The following ARHGDIA variants were observed in gnomAD, a reference collection of about 807,000 sequenced individuals.
The protein encoded by ARHGDIA is rho GDP-dissociation inhibitor 1.
ARHGDIA carries 9 observed loss-of-function variants against 25.0 expected under a neutral mutation model. That is an observed-to-expected ratio of 0.36 (90% CI 0.22 to 0.63). The LOEUF (loss-of-function observed/expected upper bound fraction) is 0.63, where lower values mean the gene tolerates loss of function less well. Ranked by LOEUF, ARHGDIA falls within the 20% of genes least tolerant of loss-of-function variation. The pLI, the probability that ARHGDIA is intolerant of heterozygous loss-of-function variation, is 0.69. For synonymous variants in ARHGDIA, 166 were observed against 111.5 expected (o/e 1.49, Z -3.08); for missense variants, 239 against 264.3 (o/e 0.90, Z 0.66).
rs1435889774 is a variant in ARHGDIA at position 81,868,779 on chromosome 17, G to A, written c.*97C>T. 3 of 1,534,220 alleles carry A rather than the reference G, an allele frequency of 2.0e-6. No homozygotes were observed. Among genetic ancestry groups the A allele is most frequent in the East Asian group, 4.9e-5 (2 of 40,892 alleles). On this transcript the variant is annotated 3_prime_UTR_variant, in exon 6 of 6. Coordinates refer to ENST00000269321, the MANE Select transcript of ARHGDIA (RefSeq NM_004309.6). The stretch of plus-strand genomic sequence containing the variant: ...AGGGTGGGAGGGGCACGGAGGGCCT[G>A]TCAGCACTTTGGTATGGGGAGGGGA...
chr17:81,870,181 T>C (rs986640134), intron 1 of ARHGDIA: 5 of 526,486 alleles, frequency 9.5e-6, no homozygotes, highest in Non-Finnish European at 1.4e-5. Context: ...CAGCCGATCA[T>C]GGGGAGAGAG....
chr17:81,871,109 T>A (rs1323081168), intron 1 of ARHGDIA, 189 bp downstream of exon 1: 1 of 102,572 alleles, frequency 9.7e-6, no homozygotes, highest in African/African-American at 3.7e-5. Flanking sequence ...GGCCCCGCCC[T>A]AGCCCGCACC....
Position 81,869,514 on chromosome 17 carries a change from C to T in ARHGDIA, c.274+28G>A, listed in dbSNP as rs373807389. On this transcript the variant is annotated intron_variant, in intron 3 of 5. Transcript: ENST00000269321. The stretch of plus-strand genomic sequence containing the variant: ...CCCGAGATCCCCACCAGGGGCCGCC[C>T]GGACCCCCGCGGCCGCAGGGCACTC... 37 of 1,603,962 alleles carry T rather than the reference C, an allele frequency of 2.3e-5. No individual in the cohort carries two copies. In the African/African-American group the frequency reaches 4.4e-4, roughly 19 times the overall value.
At position 81,869,179 on chromosome 17, in the gene ARHGDIA, C is replaced by T; in HGVS notation, c.409G>A (p.Val137Ile). Residue 137 changes from valine to isoleucine, a missense_variant, in exon 5 of 6, where the codon GTC (valine) becomes ATC (isoleucine). Physicochemically the swap from Val to Ile is conservative, Grantham distance 29. Transcript: ENST00000269321. Reference sequence around the variant, plus strand: ...TGCCCGGGGCCCCACTCACTCTTGACGCCTTTCCTGTACGTATGCTGGATG... The same window carrying T: ...TGCCCGGGGCCCCACTCACTCTTGATGCCTTTCCTGTACGTATGCTGGATG... ...KYIQHTYRKG[V>I]KIDKTDYMVG... is the part of the protein sequence containing the mutation. The T allele has an allele frequency of 1.9e-6, 3 of 1,613,964 alleles. No homozygotes were observed. The highest frequency in any genetic ancestry group is 2.5e-6 in the Non-Finnish European group (3 of 1,179,958).
chr17:81,871,167 G>A (rs1257126080), intron 1 of ARHGDIA, 131 bp downstream of exon 1: 4 of 142,148 alleles, frequency 2.8e-5, no homozygotes, highest in East Asian at 2.1e-4. Flanking sequence ...ACCCTGCCGC[G>A]GGCTCAGGGC....
rs1375843151 is a variant in ARHGDIA, at chr17:81,868,768, A to C, written c.*108T>G. The C allele has an allele frequency of 6.6e-7, 1 of 1,513,676 alleles. No individual in the cohort carries two copies. The highest frequency in any genetic ancestry group is 2.6e-5 in the East Asian group (1 of 39,032). 93.8% of individuals were successfully genotyped at this position (1,513,676 alleles called of 1,614,324 possible). ...GGAGGCGGACCAGGGTGGGAGGGGCACGGAGGGCCTGTCAGCACTTTGGTA... is the reference window on the plus strand; with the variant it reads ...GGAGGCGGACCAGGGTGGGAGGGGCCCGGAGGGCCTGTCAGCACTTTGGTA... On this transcript the variant is annotated 3_prime_UTR_variant, in exon 6 of 6. Transcript: ENST00000269321.
At chr17:81,871,099 G>T (rs1439421553) in intron 1 of ARHGDIA, 199 bp downstream of exon 1, 2 of 125,338 alleles carry the variant, frequency 1.6e-5, no homozygotes, top group Non-Finnish European at 3.4e-5. Context: ...GTCCCGCCCC[G>T]GCCCCGCCCT....
Position 81,868,400 on chromosome 17 carries a change from A to C in ARHGDIA, c.*476T>G. ...ATGGTTAGACGGGACCGACAGCGAC[A>C]AGGGGGCTGGCCAGGGAGCAGCGGG... is the stretch of plus-strand genomic sequence containing the variant. On this transcript the variant is annotated 3_prime_UTR_variant, in exon 6 of 6. Transcript: ENST00000269321. 1 of 1,446,340 alleles carries C rather than the reference A, an allele frequency of 6.9e-7. No homozygotes were observed. Among genetic ancestry groups the C allele is most frequent in the Non-Finnish European group, 9.1e-7 (1 of 1,103,852 alleles). The allele number at this position is 1,446,340 out of a possible 1,614,324, so 89.6% of individuals were successfully genotyped here.
In ARHGDIA at chr17:81,868,640, C is replaced by A; in HGVS notation, c.*236G>T. On this transcript the variant is annotated 3_prime_UTR_variant, in exon 6 of 6. Coordinates refer to ENST00000269321, the MANE Select transcript of ARHGDIA (RefSeq NM_004309.6). The stretch of plus-strand genomic sequence containing the variant: ...TGGCTGCGGCCTCTCTCCCCCACAG[C>A]ACAGGCAGAAGCAGCAACGAGACAG... 6.5e-7 allele frequency: 1 copy of A among 1,535,352 alleles called. No homozygotes were observed.
rs528768290 is a variant in ARHGDIA, at chr17:81,869,204, G to A, written c.384C>T (p.Tyr128=). 50 of 1,614,044 alleles carry A rather than the reference G, an allele frequency of 3.1e-5. 1 individual carries two copies. The South Asian group carries it at 5.3e-4, about 17-fold the overall frequency. Residue 128 remains tyrosine, a synonymous_variant, in exon 5 of 6, where the codon TAC becomes TAT. Transcript: ENST00000269321. The part of the protein sequence containing the change: ...VNREIVSGMK[Y]IQHTYRKGVK... Reference sequence around the variant, plus strand: ...CGCCTTTCCTGTACGTATGCTGGATGTACTTCATGCCGGACACTATCTCTC... The same window carrying A: ...CGCCTTTCCTGTACGTATGCTGGATATACTTCATGCCGGACACTATCTCTC...
Position 81,868,900 on chromosome 17 carries a change from G to A in ARHGDIA, c.591C>T (p.Thr197=), listed in dbSNP as rs2039163491. 1 of 1,613,790 alleles carries A rather than the reference G, an allele frequency of 6.2e-7. No individual in the cohort carries two copies. ...CTCAGTCCTTCCAGTCCTTCTTGAT[G>A]GTGAGATTCCACTCCCAGGACAGGT... ...TDHLSWEWNL[T]IKKDWKD Residue 197 remains threonine, a synonymous_variant, in exon 6 of 6, where the codon ACC becomes ACT. Transcript: ENST00000269321.
chr17:81,868,916 C>A lies in ARHGDIA; in HGVS notation c.575G>T (p.Trp192Leu). Residue 192 changes from tryptophan (W) to leucine (L), a missense_variant, in exon 6 of 6, where the codon TGG becomes TTG. By Grantham distance (61) the Trp-to-Leu change is moderately conservative. This residue lies in a region of ARHGDIA where 29 missense variants were observed against 22.0 expected (regional missense o/e 1.32). Coordinates refer to ENST00000269321, the MANE Select transcript of ARHGDIA (RefSeq NM_004309.6). ...TDDDKTDHLS[W>L]EWNLTIKKDW... is the part of the protein sequence containing the mutation. ...CTTCTTGATGGTGAGATTCCACTCC[C>A]AGGACAGGTGGTCGGTCTTGTCGTC... 1 of 1,613,730 alleles carries A rather than the reference C, an allele frequency of 6.2e-7. No individual in the cohort carries two copies. Among genetic ancestry groups the A allele is most frequent in the East Asian group, 2.2e-5 (1 of 44,876 alleles).
chr17:81,869,308 G>A (rs1156799047), intron 4 of ARHGDIA, 22 bp downstream of exon 4: 3 of 1,613,878 alleles, frequency 1.9e-6, no homozygotes, highest in East Asian at 2.2e-5. Flanking sequence ...CCATTCCCTG[G>A]CCACAGCAGC....
In ARHGDIA at chr17:81,869,332, G is replaced by A. The variant is rs2039190086; in HGVS notation, c.349C>T (p.Arg117Trp). 1.2e-6 allele frequency: 2 copies of A among 1,614,078 alleles called. No homozygotes were observed. Among genetic ancestry groups the A allele is most frequent in the Non-Finnish European group, 1.7e-6 (2 of 1,179,982 alleles). The change falls in exon 4 of 6, where the codon CGG (arginine) becomes TGG (tryptophan). Residue 117 changes from arginine (R) to tryptophan (W), a missense_variant and splice_region_variant. By Grantham distance (101) the Arg-to-Trp change is moderately radical (BLOSUM62 -3). Transcript: ENST00000269321. ...GVEYRIKISF[R>W]VNREIVSGMK... ...GGCCACAGCAGCCTGTAGCTTACCC[G>A]GAAAGAGATTTTTATCCGGTACTCC...
chr17:81,871,211 GCGCCCCCCGCCCCCGCCGGCGCCGC>G (rs2039287573), intron 1 of ARHGDIA, 62 bp downstream of exon 1: 2 of 146,430 alleles, frequency 1.4e-5, no homozygotes, highest in Non-Finnish European at 3.0e-5. Flanking sequence ...CCCCACCTCA[GCGCCCCCCGCCCCCGCCGGCGCCGC>G]CGGTCCCCGC....
chr17:81,869,981 C>G, intron 1 of ARHGDIA, 24 bp from the exon 2 acceptor site: 1 of 1,596,934 alleles, frequency 6.3e-7, no homozygotes, highest in Non-Finnish European at 8.5e-7. Flanking sequence ...GGTGACAGGC[C>G]TTGGACCTGG....
rs1488670554 is a variant in ARHGDIA at position 81,868,196 on chromosome 17, G to A, written c.*680C>T. 5.8e-6 allele frequency: 4 copies of A among 692,748 alleles called. No homozygotes were observed. Among genetic ancestry groups the A allele is most frequent in the Non-Finnish European group, 9.0e-6 (4 of 444,324 alleles). The allele number at this position is 692,748 out of a possible 1,614,324, so 42.9% of individuals were successfully genotyped here. Reference sequence around the variant, plus strand: ...GGAGCCATCTCCACAGCCCTGTCCAGGGAAGGGGGCAGGCTGGCCAGGCAC... The same window carrying A: ...GGAGCCATCTCCACAGCCCTGTCCAAGGAAGGGGGCAGGCTGGCCAGGCAC... On this transcript the variant is annotated 3_prime_UTR_variant, in exon 6 of 6. Transcript: ENST00000269321.
chr17:81,869,923 T>A lies in ARHGDIA; in HGVS notation c.8A>T (p.Glu3Val). ...CAGCTGCTCGGCTGTGGGCTCCTGC[T>A]CAGCCATGCTCAAGCTTAGCCTGGG... MA[E>V]QEPTAEQLAQ... The change falls in exon 2 of 6, where the codon GAG (glutamate) becomes GTG (valine). Residue 3 changes from glutamate to valine, a missense_variant. Around this residue, in one of 3 missense-constraint regions of ARHGDIA, gnomAD observed 135 missense variants for 119.8 expected, o/e 1.13. Transcript: ENST00000269321. 6.2e-7 allele frequency: 1 copy of A among 1,613,300 alleles called. No homozygotes were observed. Among genetic ancestry groups the A allele is most frequent in the Non-Finnish European group, 8.5e-7 (1 of 1,179,984 alleles).
rs1247311319 is a variant in ARHGDIA at position 81,869,906 on chromosome 17, C to T, written c.25G>A (p.Glu9Lys). 1.2e-6 allele frequency: 2 copies of T among 1,613,642 alleles called. No homozygotes were observed. The highest frequency in any genetic ancestry group is 1.7e-6 in the Non-Finnish European group (2 of 1,180,018). The change falls in exon 2 of 6, where the codon GAG (glutamate) becomes AAG (lysine). Residue 9 changes from glutamate to lysine, a missense_variant. Physicochemically the swap from Glu to Lys is moderately conservative, Grantham distance 56 (BLOSUM62 1). This residue lies in a region of ARHGDIA where 135 missense variants were observed against 119.8 expected (regional missense o/e 1.13). Transcript: ENST00000269321. MAEQEPTA[E>K]QLAQIAAENE... ...TCCGCTGCAATCTGGGCCAGCTGCT[C>T]GGCTGTGGGCTCCTGCTCAGCCATG...
Sources: allele counts gnomAD v4.1 joint callset, GRCh38; gene constraint gnomAD v4.1.1; regional missense constraint gnomAD v4.1.1; transcripts MANE v1.5; gene names NCBI Gene and HGNC (gene_info 2026-07-23, HGNC 2026-07-21).